MAP3K5: variants seen among roughly 807,000 people sequenced by gnomAD.
MAP3K5 encodes the protein ASK-1.
Under a neutral mutation model 158.7 loss-of-function variants are expected in MAP3K5, and 56 were observed. The ratio of observed to expected loss-of-function variants is 0.35; its 90% CI spans 0.28 to 0.44. The LOEUF (loss-of-function observed/expected upper bound fraction) is 0.44, where lower values mean the gene tolerates loss of function less well. Among genes scored for constraint, MAP3K5 ranks in the 20% least tolerant of loss-of-function variants. The pLI, the probability that MAP3K5 is intolerant of heterozygous loss-of-function variation, is 1.00. For synonymous variants in MAP3K5, 579 were observed against 601.7 expected (o/e 0.96, Z 0.55); for missense variants, 1,294 against 1,674.8 (o/e 0.77, Z 3.97).
In MAP3K5 at chr6:136,655,645, C is replaced by T. The variant is rs138071543; in HGVS notation, c.1680+662G>A. On this transcript the variant is annotated intron_variant, in intron 10 of 29. Transcript: ENST00000359015. ...AGTAATTCTTGAATTGGATGCTGGA[C>T]GATATTAAGAACCATCCAGAGGGGC... Among the ~76,000 whole-genome samples, 12 of 151,832 alleles carry T rather than the reference C, an allele frequency of 7.9e-5. No individual in the cohort carries two copies. The East Asian group carries it at 1.7e-3, about 22-fold the overall frequency.
At chr6:136,659,897 G>A (rs1384509921) in intron 8 of MAP3K5, among the ~76,000 whole-genome samples, 2 of 152,054 alleles carry the variant, frequency 1.3e-5, no homozygotes, top group Admixed American at 1.3e-4. Context: ...AAAAACTTTG[G>A]TAAAAAAACA....
At chr6:136,775,595 T>C (rs1039867184) in intron 1 of MAP3K5, among the ~76,000 whole-genome samples, 15 of 152,252 alleles carry the variant, frequency 9.9e-5, no homozygotes, top group Middle Eastern at 3.4e-3. Context: ...TAATAAACCA[T>C]GGAGAATAAC....
intron 25 of MAP3K5, among the ~76,000 whole-genome samples, chr6:136,579,204 T>C (rs1394094417): frequency 2.0e-5 from 3 of 152,106 alleles, no homozygotes; most frequent in African/African-American, 4.8e-5. Flanking sequence ...TCTACCTACC[T>C]ACATACTCAT....
At position 136,592,438 on chromosome 6, in the gene MAP3K5, C is replaced by A. The variant is rs1231250981; in HGVS notation, c.3055G>T (p.Gly1019Cys). ...DVKGIRTLFLGIPDENFEDHS... is the reference protein window; with the variant it reads ...DVKGIRTLFLCIPDENFEDHS... Reference sequence around the variant, plus strand: ...ACCCCAAGTAAGTCAGGTCTTTACCCCAAAAAGAGTGTCCGAATTCCCTTG... The same window carrying A: ...ACCCCAAGTAAGTCAGGTCTTTACCACAAAAAGAGTGTCCGAATTCCCTTG... Residue 1019 changes from glycine (G) to cysteine (C), a missense_variant and splice_region_variant, in exon 22 of 30, where the codon GGC (glycine) becomes TGC (cysteine). This residue lies in a region of MAP3K5 where 362 missense variants were observed against 463.2 expected (regional missense o/e 0.78). Coordinates refer to ENST00000359015, the MANE Select transcript of MAP3K5 (RefSeq NM_005923.4). 6.2e-7 allele frequency: 1 copy of A among 1,613,754 alleles called. No homozygotes were observed. Among genetic ancestry groups the A allele is most frequent in the Admixed American group, 1.7e-5 (1 of 59,966 alleles).
At chr6:136,637,084 C>A in intron 14 of MAP3K5, 1 of 1,371,048 alleles carries the variant, frequency 7.3e-7, no homozygotes, top group Non-Finnish European at 9.4e-7. Context: ...ATAGATAAAG[C>A]ATAGTTACTC....
At chr6:136,710,337 T>G (rs968489204) in intron 2 of MAP3K5, among the ~76,000 whole-genome samples, 1 of 152,216 alleles carries the variant, frequency 6.6e-6, no homozygotes, top group African/African-American at 2.4e-5. Context: ...GGGGCACATT[T>G]CTGAAGATGC....
intron 1 of MAP3K5, among the ~76,000 whole-genome samples, chr6:136,780,131 A>C (rs1411865380): frequency 1.3e-5 from 2 of 152,194 alleles, no homozygotes; most frequent in African/African-American, 2.4e-5. Context: ...CCCTCTGGGA[A>C]TTATCAGATT....
intron 23 of MAP3K5, among the ~76,000 whole-genome samples, chr6:136,588,756 A>G (rs556402621): frequency 4.6e-5 from 7 of 152,162 alleles, no homozygotes; most frequent in Non-Finnish European, 1.0e-4. Context: ...CGTGAGCCAA[A>G]GGAAAGGCCA....
intron 1 of MAP3K5, among the ~76,000 whole-genome samples, chr6:136,754,961 T>C (rs1783408588): frequency 6.6e-6 from 1 of 152,120 alleles, no homozygotes; most frequent in Admixed American, 6.5e-5. Context: ...TGTCGTCTCC[T>C]CCTCAATCCA....
intron 26 of MAP3K5, among the ~76,000 whole-genome samples, chr6:136,563,528 G>A (rs1191319315): frequency 6.6e-6 from 1 of 152,114 alleles, no homozygotes; most frequent in East Asian, 1.9e-4. Flanking sequence ...TAAGGGGGCG[G>A]GGGTGAAGTG....
At chr6:136,716,874 T>C (rs557053119) in intron 2 of MAP3K5, among the ~76,000 whole-genome samples, 79 of 152,228 alleles carry the variant, frequency 5.2e-4, no homozygotes, top group African/African-American at 1.9e-3. Context: ...ATAAAAAGAA[T>C]TGGCCAGGCA....
At chr6:136,667,448 G>A (rs912437968) in intron 8 of MAP3K5, among the ~76,000 whole-genome samples, 1 of 152,080 alleles carries the variant, frequency 6.6e-6, no homozygotes, top group African/African-American at 2.4e-5. Context: ...GGCTGGGCAA[G>A]GTGGCTCACA....
chr6:136,675,055 T>C (rs1779648416), intron 7 of MAP3K5, among the ~76,000 whole-genome samples: 1 of 151,810 alleles, frequency 6.6e-6, no homozygotes, highest in Non-Finnish European at 1.5e-5. Flanking sequence ...TATATTAATA[T>C]CAGACAAAAT....
chr6:136,597,012 C>G (rs1008772871), intron 21 of MAP3K5, among the ~76,000 whole-genome samples: 4 of 152,216 alleles, frequency 2.6e-5, no homozygotes, highest in African/African-American at 7.2e-5. Flanking sequence ...CAGTCACAGG[C>G]AGCCTTACTG....
chr6:136,751,952 T>C (rs909853703), intron 1 of MAP3K5, among the ~76,000 whole-genome samples: 1 of 152,246 alleles, frequency 6.6e-6, no homozygotes, highest in African/African-American at 2.4e-5. Flanking sequence ...GGATTCTAGT[T>C]AAATTTATAG....
chr6:136,564,928 C>T (rs1274868662), intron 26 of MAP3K5, among the ~76,000 whole-genome samples: 1 of 152,224 alleles, frequency 6.6e-6, no homozygotes, highest in Non-Finnish European at 1.5e-5. Context: ...CCAGCTCTTT[C>T]TGCACACTTC....
At chr6:136,595,734 CG>C (rs1775597481) in intron 21 of MAP3K5, among the ~76,000 whole-genome samples, 1 of 151,912 alleles carries the variant, frequency 6.6e-6, no homozygotes, top group African/African-American at 2.4e-5. Flanking sequence ...GGCAATTGGG[CG>C]GCTGGGCGCG....
chr6:136,757,040 GGTTT>G (rs1783522192), intron 1 of MAP3K5, among the ~76,000 whole-genome samples: 2 of 152,182 alleles, frequency 1.3e-5, no homozygotes, highest in South Asian at 4.1e-4. Flanking sequence ...AGAAAACTCA[GGTTT>G]CAGTGCTGCA....
At chr6:136,596,855 A>G (rs995485182) in intron 21 of MAP3K5, among the ~76,000 whole-genome samples, 4 of 152,170 alleles carry the variant, frequency 2.6e-5, no homozygotes, top group Non-Finnish European at 5.9e-5. Flanking sequence ...GTCACTGTAA[A>G]TGGGAAGAAG....
Sources: allele counts gnomAD v4.1 joint callset (sites outside exome capture counted in the v4.1 genomes callset), GRCh38; gene constraint gnomAD v4.1.1; regional missense constraint gnomAD v4.1.1; transcripts MANE v1.5; gene names NCBI Gene and HGNC (gene_info 2026-07-23, HGNC 2026-07-21).